Variants in MED12L observed in about 807,000 individuals in gnomAD.
MED12L encodes the protein mediator of RNA polymerase II transcription subunit 12-like protein.
A neutral mutation model predicts 281.3 loss-of-function variants in MED12L; 60 were observed. That is an observed-to-expected ratio of 0.21 (90% CI 0.17 to 0.26). The LOEUF (loss-of-function observed/expected upper bound fraction) is 0.26. Among genes scored for constraint, MED12L ranks in the 10% least tolerant of loss-of-function variants. The pLI, the probability that MED12L is intolerant of heterozygous loss-of-function variation, is 1.00. For synonymous variants in MED12L, 974 were observed against 987.2 expected (o/e 0.99, Z 0.25); for missense variants, 2,146 against 2,680.9 (o/e 0.80, Z 4.41).
intron 17 of MED12L, among the ~76,000 whole-genome samples, chr3:151,350,516 A>G (rs1753092454): frequency 6.6e-6 from 1 of 152,144 alleles, no homozygotes; most frequent in Non-Finnish European, 1.5e-5. Flanking sequence ...TATAGTAGTA[A>G]TAAATGAAGT....
intron 16 of MED12L, chr3:151,338,434 G>C: frequency 1.2e-6 from 2 of 1,614,092 alleles, no homozygotes; most frequent in Non-Finnish European, 1.7e-6. Flanking sequence ...GCCCCCAAGA[G>C]ATTTTTGGGG....
At position 151,165,154 on chromosome 3, in the gene MED12L, G is replaced by A. The variant is rs575089506; in HGVS notation, c.1258-266G>A. Reference sequence around the variant, plus strand: ...TATTTTAGAACATTCACCTTTCCACGTGGTGTCCTAAAAAAGAAATTTCAC... The same window carrying A: ...TATTTTAGAACATTCACCTTTCCACATGGTGTCCTAAAAAAGAAATTTCAC... On this transcript the variant is annotated intron_variant, in intron 9 of 44. Coordinates refer to ENST00000687756, the MANE Select transcript of MED12L (RefSeq NM_001393769.1). 1.6e-4 allele frequency among the ~76,000 whole-genome samples: 24 copies of A among 152,114 alleles called. No individual in the cohort carries two copies. The East Asian group carries it at 4.0e-3, about 26-fold the overall frequency.
At chr3:151,302,421 T>C (rs918617418) in intron 16 of MED12L, among the ~76,000 whole-genome samples, 5 of 152,242 alleles carry the variant, frequency 3.3e-5, no homozygotes, top group Non-Finnish European at 5.9e-5. Flanking sequence ...TTGGGAAATC[T>C]GCTTGCCCCA....
intron 31 of MED12L, among the ~76,000 whole-genome samples, chr3:151,378,541 G>A (rs949119375): frequency 6.6e-6 from 1 of 151,676 alleles, no homozygotes; most frequent in Admixed American, 6.6e-5. Context: ...TAAATATAAT[G>A]TATAATTCTG....
At chr3:151,345,920 G>A (rs747861728) in intron 16 of MED12L, among the ~76,000 whole-genome samples, 1 of 152,174 alleles carries the variant, frequency 6.6e-6, no homozygotes, top group African/African-American at 2.4e-5. Flanking sequence ...GAAGACTACT[G>A]TAGTAACACC....
intron 13 of MED12L, among the ~76,000 whole-genome samples, 187 bp downstream of exon 13, chr3:151,188,667 A>G (rs1211536449): frequency 1.3e-5 from 2 of 152,238 alleles, no homozygotes; most frequent in Non-Finnish European, 2.9e-5. Context: ...AAATCAGTCA[A>G]GCTTCAAAGA....
At chr3:151,216,199 G>T (rs1490180258) in intron 16 of MED12L, among the ~76,000 whole-genome samples, 1 of 152,118 alleles carries the variant, frequency 6.6e-6, no homozygotes, top group African/African-American at 2.4e-5. Flanking sequence ...TAAAATATTT[G>T]TGAAATAAAT....
At position 151,383,899 on chromosome 3, in the gene MED12L, A is replaced by T. The variant is rs374020919; in HGVS notation, c.4790+11A>T. ...CATGCACACTAACAAGTATGTTTTT[A>T]TCACTTCACATTGATTTTGCTACAT... On this transcript the variant is annotated intron_variant, in intron 34 of 44. Transcript: ENST00000687756. 6.2e-7 allele frequency: 1 copy of T among 1,604,266 alleles called. No individual in the cohort carries two copies. The highest frequency in any genetic ancestry group is 1.1e-5 in the South Asian group (1 of 90,542).
chr3:151,247,181 C>G (rs992432062), intron 16 of MED12L, among the ~76,000 whole-genome samples: 1 of 151,962 alleles, frequency 6.6e-6, no homozygotes, highest in Non-Finnish European at 1.5e-5. Flanking sequence ...TAAACTAGTT[C>G]AACCATTGTG....
chr3:151,295,074 A>G, intron 16 of MED12L: 1 of 1,613,816 alleles, frequency 6.2e-7, no homozygotes. Flanking sequence ...CCATTCAGCA[A>G]GATGCTTGCC....
intron 16 of MED12L, among the ~76,000 whole-genome samples, chr3:151,210,711 G>A (rs1485651676): frequency 1.3e-5 from 2 of 152,208 alleles, no homozygotes; most frequent in African/African-American, 4.8e-5. Context: ...TATTCTATCT[G>A]CAGGTATATT....
intron 5 of MED12L, among the ~76,000 whole-genome samples, chr3:151,140,224 T>C (rs968967204): frequency 3.9e-5 from 6 of 152,232 alleles, no homozygotes; most frequent in Non-Finnish European, 7.3e-5. Context: ...TAATTGAATA[T>C]GCAAATTTTC....
At chr3:151,104,165 G>A (rs1330060675) in intron 2 of MED12L, among the ~76,000 whole-genome samples, 2 of 152,146 alleles carry the variant, frequency 1.3e-5, no homozygotes, top group Non-Finnish European at 2.9e-5. Context: ...TAGCAGTATA[G>A]GTGACGGTGG....
At chr3:151,294,944 T>TCATGC in intron 16 of MED12L, 1 of 1,614,134 alleles carries the variant, frequency 6.2e-7, no homozygotes, top group Non-Finnish European at 8.5e-7. Context: ...AAATCCTGCA[T>TCATGC]CATGGACTAT....
In MED12L at chr3:151,122,769, T is replaced by C; in HGVS notation, c.205-14T>C. 1.9e-6 allele frequency: 3 copies of C among 1,563,720 alleles called. No homozygotes were observed. Among genetic ancestry groups the C allele is most frequent in the Non-Finnish European group, 2.6e-6 (3 of 1,155,934 alleles). ...ATTGTCTTAACTTTCCCTTTTTTTC[T>C]CTTCTTTCCACAGATTGGAGCTTAT... On this transcript the variant is annotated splice_polypyrimidine_tract_variant and intron_variant, in intron 3 of 44. Coordinates refer to ENST00000687756, the MANE Select transcript of MED12L (RefSeq NM_001393769.1).
intron 43 of MED12L, among the ~76,000 whole-genome samples, chr3:151,418,519 G>T (rs1438784968): frequency 6.6e-6 from 1 of 152,140 alleles, no homozygotes; most frequent in African/African-American, 2.4e-5. Context: ...TTTGTAGAAT[G>T]CTACTCAATT....
chr3:151,407,091 G>A (rs900775907), intron 39 of MED12L, among the ~76,000 whole-genome samples: 3 of 152,096 alleles, frequency 2.0e-5, no homozygotes, highest in African/African-American at 4.8e-5. Flanking sequence ...GTGAGCCACC[G>A]CACCTGCCCA....
Position 151,269,012 on chromosome 3 carries a change from C to A in MED12L, c.2250+75346C>A, listed in dbSNP as rs1740355394. The stretch of plus-strand genomic sequence containing the variant: ...AGCGGTGTGACCCCCAAAACCAAGA[C>A]TACTTCCTGCTCTGAGACCGGAGGA... On this transcript the variant is annotated intron_variant, in intron 16 of 44. Transcript: ENST00000687756. 1.3e-5 allele frequency among the ~76,000 whole-genome samples: 2 copies of A among 152,200 alleles called. 1 individual carries two copies. Among genetic ancestry groups the A allele is most frequent in the South Asian group, 4.1e-4 (2 of 4,830 alleles).
At chr3:151,246,194 C>T (rs1735421223) in intron 16 of MED12L, among the ~76,000 whole-genome samples, 1 of 152,156 alleles carries the variant, frequency 6.6e-6, no homozygotes, top group Non-Finnish European at 1.5e-5. Flanking sequence ...GGCCATACTG[C>T]TCAAGGTAAT....
Sources: gnomAD v4.1 joint callset for allele counts (sites outside exome capture counted in the v4.1 genomes callset) on GRCh38, gnomAD v4.1.1 for gene constraint, MANE v1.5 for transcripts, NCBI Gene and HGNC (gene_info 2026-07-23, HGNC 2026-07-21) for gene names.